The following LRRC31 variants were observed in gnomAD, a reference collection of about 807,000 sequenced individuals.
The protein encoded by LRRC31 is leucine-rich repeat-containing protein 31.
LRRC31 carries 35 observed loss-of-function variants against 46.7 expected under a neutral mutation model. The observed-to-expected ratio is 0.75, with a 90% confidence interval of 0.57 to 0.99. LRRC31 has a LOEUF of 0.99. Among genes scored for constraint, LRRC31 ranks in the 50% least tolerant of loss-of-function variants. The pLI is 0.00. For missense variants in LRRC31, 613 were observed against 626.1 expected, an observed-to-expected ratio of 0.98 and a Z score of 0.22; for synonymous variants, 236 against 235.1, an observed-to-expected ratio of 1.00 and a Z score of -0.03.
intron 1 of LRRC31, among the ~76,000 whole-genome samples, chr3:169,866,757 C>T (rs1781344305): frequency 6.6e-6 from 1 of 152,140 alleles, no homozygotes; most frequent in Non-Finnish European, 1.5e-5. Flanking sequence ...GTCAGGACTT[C>T]GAGATCAGCC....
At position 169,848,190 on chromosome 3, in the gene LRRC31, C is replaced by T; in HGVS notation, c.1257G>A (p.Lys419=). The T allele has an allele frequency of 6.2e-7, 1 of 1,614,206 alleles. No individual in the cohort carries two copies. Among genetic ancestry groups the T allele is most frequent in the Non-Finnish European group, 8.5e-7 (1 of 1,180,016 alleles). Residue 419 remains lysine (K), a synonymous_variant, in exon 8 of 9, where the codon AAG becomes AAA. Coordinates refer to ENST00000316428, the MANE Select transcript of LRRC31 (RefSeq NM_024727.4). ...GNLKLLLETL[K]LSMSLQVLRL... ...TCAGCACTTGAAGAGACATGGAAAG[C>T]TTTAGTGTTTCCAGAAGCAGCTTCA...
At chr3:169,865,359 T>C (rs1219565475) in intron 1 of LRRC31, among the ~76,000 whole-genome samples, 2 of 150,890 alleles carry the variant, frequency 1.3e-5, no homozygotes, top group Non-Finnish European at 3.0e-5. Context: ...TAGGCTGGAG[T>C]GGGGTGGGAG....
chr3:169,867,077 G>C (rs1399039584), intron 1 of LRRC31, among the ~76,000 whole-genome samples: 1 of 121,814 alleles, frequency 8.2e-6, no homozygotes, highest in Non-Finnish European at 1.6e-5. Context: ...TTTTTTGAGG[G>C]TCTTGCTCTG....
At chr3:169,841,001 C>A (rs907705008) in intron 8 of LRRC31, among the ~76,000 whole-genome samples, 2 of 152,180 alleles carry the variant, frequency 1.3e-5, no homozygotes, top group Admixed American at 1.3e-4. Flanking sequence ...GAATGGATTG[C>A]AGAGATCAGG....
intron 8 of LRRC31, among the ~76,000 whole-genome samples, chr3:169,844,734 C>T (rs1033740570): frequency 6.6e-6 from 1 of 152,242 alleles, no homozygotes; most frequent in South Asian, 2.1e-4. Context: ...GAGATCGAGA[C>T]TATCCTGACC....
chr3:169,867,266 T>G (rs1279033798), intron 1 of LRRC31, among the ~76,000 whole-genome samples: 3 of 141,526 alleles, frequency 2.1e-5, no homozygotes, highest in Admixed American at 7.1e-5. Flanking sequence ...TTTTTTTTTT[T>G]TGAGACAGAG....
intron 3 of LRRC31, among the ~76,000 whole-genome samples, chr3:169,859,228 G>C (rs1781071611): frequency 6.7e-6 from 1 of 148,938 alleles, no homozygotes; most frequent in African/African-American, 2.5e-5. Context: ...CTGGGAGGCA[G>C]AGGTTTCAGT....
intron 3 of LRRC31, among the ~76,000 whole-genome samples, chr3:169,857,345 T>TATACACACAC (rs1491209579): frequency 1.2e-4 from 11 of 89,426 alleles, no homozygotes; most frequent in African/African-American, 5.2e-4. Context: ...TATATATATA[T>TATACACACAC]ACACACACAC....
intron 8 of LRRC31, among the ~76,000 whole-genome samples, chr3:169,845,907 A>G (rs1780590717): frequency 6.6e-6 from 1 of 152,188 alleles, no homozygotes; most frequent in Non-Finnish European, 1.5e-5. Context: ...AAGAGAATGA[A>G]AAAGCCAGTG....
rs376272780 is a variant in LRRC31, at chr3:169,860,683, G to A, written c.365C>T (p.Ser122Phe). 68 of 1,614,010 alleles carry A rather than the reference G, an allele frequency of 4.2e-5. No homozygotes were observed. The highest frequency in any genetic ancestry group is 5.3e-5 in the Non-Finnish European group (62 of 1,180,018). ...FLPDLEELDI[S>F]WNGFVGGTLL... Reference sequence around the variant, plus strand: ...GGTTCCACCTACAAAACCATTCCAGGAGATATCCAGTTCTTCCAAGTCTGG... The same window carrying A: ...GGTTCCACCTACAAAACCATTCCAGAAGATATCCAGTTCTTCCAAGTCTGG... Residue 122 changes from serine (S) to phenylalanine (F), a missense_variant, in exon 3 of 9, where the codon TCC becomes TTC. Physicochemically the swap from Ser to Phe is radical, Grantham distance 155. Transcript: ENST00000316428.
At position 169,850,462 on chromosome 3, in the gene LRRC31, C is replaced by A. The variant is rs146430610; in HGVS notation, c.1159+1157G>T. Reference sequence around the variant, plus strand: ...CCCTGCTGTTCTAGGGCCCATGGACCCACCAGACAAGTCTAGGTATGCTTG... The same window carrying A: ...CCCTGCTGTTCTAGGGCCCATGGACACACCAGACAAGTCTAGGTATGCTTG... On this transcript the variant is annotated intron_variant, in intron 7 of 8. Coordinates refer to ENST00000316428, the MANE Select transcript of LRRC31 (RefSeq NM_024727.4). Among the ~76,000 whole-genome samples the A allele has an allele frequency of 4.5e-3, 688 of 152,302 alleles. 9 individuals carry two copies. The highest frequency in any genetic ancestry group is 0.016 in the African/African-American group (657 of 41,558).
chr3:169,856,827 G>A lies in LRRC31; in HGVS notation c.533C>T (p.Ser178Phe). The change falls in exon 4 of 9, where the codon TCT becomes TTT. Residue 178 changes from serine (S) to phenylalanine (F), a missense_variant. Physicochemically the swap from Ser to Phe is radical, Grantham distance 155. Transcript: ENST00000316428. ...MIPELEELNL[S>F]WNSKVGGNLP... ...ATTTCCTCCCACTTTACTGTTCCAA[G>A]ACAAATTTAGCTCTTCAAGTTCAGG... 2 of 1,609,516 alleles carry A rather than the reference G, an allele frequency of 1.2e-6. No individual in the cohort carries two copies.
At chr3:169,842,571 G>A (rs555801339) in intron 8 of LRRC31, among the ~76,000 whole-genome samples, 20 of 152,140 alleles carry the variant, frequency 1.3e-4, no homozygotes, top group South Asian at 6.2e-4. Context: ...GGCTGGTCTC[G>A]AACTCCTGAC....
At chr3:169,860,829 T>A in intron 2 of LRRC31, 101 bp from the exon 3 acceptor site, 1 of 1,244,336 alleles carries the variant, frequency 8.0e-7, no homozygotes, top group Non-Finnish European at 1.1e-6. Context: ...TTTTACACTG[T>A]AAGAGAATAG....
intron 3 of LRRC31, among the ~76,000 whole-genome samples, chr3:169,857,415 C>CATATATACAT (rs144038208): frequency 6.1e-5 from 6 of 98,672 alleles, no homozygotes; most frequent in Admixed American, 1.2e-4. Flanking sequence ...TATACATATA[C>CATATATACAT]ATATATATAT....
At chr3:169,863,418 G>T (rs904769725) in intron 1 of LRRC31, among the ~76,000 whole-genome samples, 5 of 152,100 alleles carry the variant, frequency 3.3e-5, no homozygotes, top group African/African-American at 1.2e-4. Context: ...AAATACATTG[G>T]TACCTGTGAA....
intron 8 of LRRC31, among the ~76,000 whole-genome samples, chr3:169,843,275 C>T (rs1314287033): frequency 6.6e-6 from 1 of 152,222 alleles, no homozygotes; most frequent in Non-Finnish European, 1.5e-5. Context: ...TAGTAGCTGA[C>T]AGCAGCCCCC....
intron 8 of LRRC31, among the ~76,000 whole-genome samples, chr3:169,844,736 A>C (rs1481799101): frequency 4.6e-5 from 7 of 152,142 alleles, no homozygotes; most frequent in Non-Finnish European, 1.5e-5. Flanking sequence ...GATCGAGACT[A>C]TCCTGACCAA....
chr3:169,856,468 G>A lies in LRRC31; in HGVS notation c.691C>T (p.Leu231Phe), dbSNP rs1167368558. The A allele has an allele frequency of 5.0e-6, 8 of 1,604,174 alleles. No individual in the cohort carries two copies. Among genetic ancestry groups the A allele is most frequent in the Non-Finnish European group, 6.8e-6 (8 of 1,175,772 alleles). The change falls in exon 5 of 9, where the codon CTT (leucine) becomes TTT (phenylalanine). Residue 231 changes from leucine (L) to phenylalanine (F), a missense_variant. Transcript: ENST00000316428. ...LLPMLQSLEV[L>F]DLSINRDIVG... ...ATGTCTCTGTTAATGGAAAGATCAA[G>A]TACTTCGAGACTTTGCAGCATAGGT... is the stretch of plus-strand genomic sequence containing the variant.
Sources: gnomAD v4.1 joint callset for allele counts (sites outside exome capture counted in the v4.1 genomes callset) on GRCh38, gnomAD v4.1.1 for gene constraint, MANE v1.5 for transcripts, NCBI Gene and HGNC (gene_info 2026-07-23, HGNC 2026-07-21) for gene names.